Variants in CHCHD6 observed in about 807,000 individuals in gnomAD.
CHCHD6 encodes the protein coiled-coil-helix-coiled-coil-helix domain containing 6, also known as MICOS complex subunit MIC25.
In CHCHD6, 28 loss-of-function variants were observed where a neutral mutation model predicts 32.3. That is an observed-to-expected ratio of 0.87 (90% CI 0.64 to 1.19). CHCHD6 has a LOEUF of 1.19. CHCHD6 is among the 50% of genes most tolerant of loss of function. The pLI, the probability that CHCHD6 is intolerant of heterozygous loss-of-function variation, is 0.00. For missense variants in CHCHD6, 333 were observed against 307.0 expected, an observed-to-expected ratio of 1.08 and a Z score of -0.63; for synonymous variants, 122 against 117.5, an observed-to-expected ratio of 1.04 and a Z score of -0.25.
intron 4 of CHCHD6, among the ~76,000 whole-genome samples, chr3:126,787,810 C>G (rs1384132033): frequency 3.3e-5 from 5 of 152,050 alleles, no homozygotes; most frequent in South Asian, 4.1e-4. Context: ...AATTGAATAC[C>G]CTTTATTTCT....
At chr3:126,900,960 G>C (rs532872174) in intron 5 of CHCHD6, among the ~76,000 whole-genome samples, 1 of 152,112 alleles carries the variant, frequency 6.6e-6, no homozygotes, top group South Asian at 2.1e-4. Context: ...ATCACCAAGG[G>C]GATGGCACTA....
At chr3:126,812,647 G>C (rs1173500264) in intron 4 of CHCHD6, among the ~76,000 whole-genome samples, 1 of 151,630 alleles carries the variant, frequency 6.6e-6, no homozygotes, top group African/African-American at 2.4e-5. Context: ...GGTCAGGCTG[G>C]TCTCGAACTC....
intron 4 of CHCHD6, among the ~76,000 whole-genome samples, chr3:126,768,463 A>AT (rs1000103595): frequency 1.3e-5 from 2 of 151,990 alleles, no homozygotes; most frequent in Admixed American, 1.3e-4. Context: ...CAGTTAAACC[A>AT]TTTTTCTTTA....
At position 126,830,851 on chromosome 3, in the gene CHCHD6, G is replaced by A. The variant is rs139269447; in HGVS notation, c.412-21796G>A. Among the ~76,000 whole-genome samples, 300 of 152,234 alleles carry A rather than the reference G, an allele frequency of 2.0e-3. 2 individuals carry two copies. The highest frequency in any genetic ancestry group is 6.8e-3 in the African/African-American group (284 of 41,530). ...TGACCGGATGTTTGGGGTCCTGTGG[G>A]TGTTGGCTCACCTGCCTTTTCTGGC... is the stretch of plus-strand genomic sequence containing the variant. On this transcript the variant is annotated intron_variant, in intron 4 of 7. Coordinates refer to ENST00000290913, the MANE Select transcript of CHCHD6 (RefSeq NM_032343.3).
At position 126,766,527 on chromosome 3, in the gene CHCHD6, G is replaced by T; in HGVS notation, c.411+33305G>T. On this transcript the variant is annotated intron_variant, in intron 4 of 7. Coordinates refer to ENST00000290913, the MANE Select transcript of CHCHD6 (RefSeq NM_032343.3). ...TTGGTGTCACCAAAGAGTGTGAGTA[G>T]CCCATGGTGACCTCTGAGAAAATGC... The T allele has an allele frequency of 3.6e-6, 3 of 829,820 alleles. No homozygotes were observed. In the East Asian group the frequency reaches 7.6e-5, roughly 21 times the overall value. The allele number at this position is 829,820 out of a possible 1,614,324, so 51.4% of individuals were successfully genotyped here. A position where few individuals can be genotyped will look rare whatever the true frequency, so the allele number is the denominator to read the frequency against.
intron 4 of CHCHD6, among the ~76,000 whole-genome samples, chr3:126,807,527 G>A (rs541957844): frequency 4.6e-5 from 7 of 152,222 alleles, no homozygotes; most frequent in Non-Finnish European, 1.0e-4. Context: ...AGGAAAATTG[G>A]AGTCTTAGCT....
intron 6 of CHCHD6, among the ~76,000 whole-genome samples, chr3:126,950,753 A>G (rs1345969502): frequency 6.6e-6 from 1 of 151,878 alleles, no homozygotes; most frequent in Non-Finnish European, 1.5e-5. Flanking sequence ...CCTGGCCTGC[A>G]CAGGATTTTC....
At chr3:126,867,902 A>G (rs895502271) in intron 5 of CHCHD6, among the ~76,000 whole-genome samples, 3 of 152,240 alleles carry the variant, frequency 2.0e-5, no homozygotes, top group Non-Finnish European at 4.4e-5. Context: ...GGCAGACTCT[A>G]TCTAGAGTTC....
At chr3:126,904,245 C>T (rs965569336) in intron 5 of CHCHD6, among the ~76,000 whole-genome samples, 2 of 152,190 alleles carry the variant, frequency 1.3e-5, no homozygotes, top group African/African-American at 4.8e-5. Flanking sequence ...ATTTGGTTAG[C>T]CCTGTAGTCT....
At chr3:126,838,531 A>C (rs1378463459) in intron 4 of CHCHD6, among the ~76,000 whole-genome samples, 1 of 152,210 alleles carries the variant, frequency 6.6e-6, no homozygotes, top group Non-Finnish European at 1.5e-5. Flanking sequence ...GCATTTCTGC[A>C]GTCCCTTAAT....
chr3:126,948,238 T>C (rs537532035), intron 6 of CHCHD6, among the ~76,000 whole-genome samples: 5 of 152,312 alleles, frequency 3.3e-5, no homozygotes, highest in African/African-American at 7.2e-5. Context: ...CAGAAACTTA[T>C]CCTCTCACAG....
rs543530422 is a variant in CHCHD6 at position 126,861,117 on chromosome 3, A to T, written c.495+8387A>T. 2.0e-5 allele frequency among the ~76,000 whole-genome samples: 3 copies of T among 152,240 alleles called. No individual in the cohort carries two copies. In the South Asian group the frequency reaches 6.2e-4, roughly 32 times the overall value. ...GTTTATGTAATAAAGGACATAACCT[A>T]CAGGCTAGCCTGCTGTAACATATCC... On this transcript the variant is annotated intron_variant, in intron 5 of 7. Transcript: ENST00000290913.
chr3:126,879,700 T>C (rs2077583819), intron 5 of CHCHD6, among the ~76,000 whole-genome samples: 2 of 152,190 alleles, frequency 1.3e-5, no homozygotes, highest in South Asian at 2.1e-4. Flanking sequence ...AAATCAGATA[T>C]AGACTATATT....
chr3:126,948,849 T>C (rs760593040), intron 6 of CHCHD6, among the ~76,000 whole-genome samples: 24 of 152,208 alleles, frequency 1.6e-4, no homozygotes, highest in Non-Finnish European at 2.1e-4. Context: ...GGACAGTGGG[T>C]CATGGAGTTT....
intron 1 of CHCHD6, among the ~76,000 whole-genome samples, chr3:126,720,797 T>G (rs968992496): frequency 6.6e-6 from 1 of 152,184 alleles, no homozygotes; most frequent in Non-Finnish European, 1.5e-5. Flanking sequence ...CCTGGTGTCC[T>G]GTTTCCACCC....
chr3:126,709,555 A>T (rs1934656846), intron 1 of CHCHD6, among the ~76,000 whole-genome samples: 1 of 152,206 alleles, frequency 6.6e-6, no homozygotes, highest in South Asian at 2.1e-4. Context: ...TGTCAGGTTT[A>T]ATTTTTAAAG....
chr3:126,884,996 G>A (rs1298148937), intron 5 of CHCHD6, among the ~76,000 whole-genome samples: 1 of 152,202 alleles, frequency 6.6e-6, no homozygotes, highest in Admixed American at 6.5e-5. Flanking sequence ...CTCCACTGAG[G>A]AGTAGAAGAG....
At chr3:126,911,668 C>G (rs1403854935) in intron 5 of CHCHD6, among the ~76,000 whole-genome samples, 1 of 152,214 alleles carries the variant, frequency 6.6e-6, no homozygotes, top group Non-Finnish European at 1.5e-5. Flanking sequence ...CTTCCTGTGA[C>G]AAATCGAGTT....
rs540395594 is a variant in CHCHD6 at position 126,892,121 on chromosome 3, G to A, written c.496-22559G>A. 6.6e-5 allele frequency among the ~76,000 whole-genome samples: 10 copies of A among 152,220 alleles called. No individual in the cohort carries two copies. In the South Asian group the frequency reaches 8.3e-4, roughly 13 times the overall value. On this transcript the variant is annotated intron_variant, in intron 5 of 7. Coordinates refer to ENST00000290913, the MANE Select transcript of CHCHD6 (RefSeq NM_032343.3). ...AAACCTCGGCTCTGAGCAAGACACC[G>A]GGGGGATCCTCTGTGCCTACTACAG... is the stretch of plus-strand genomic sequence containing the variant.
Sources: gnomAD v4.1 joint callset for allele counts (sites outside exome capture counted in the v4.1 genomes callset) on GRCh38, gnomAD v4.1.1 for gene constraint, MANE v1.5 for transcripts, NCBI Gene and HGNC (gene_info 2026-07-23, HGNC 2026-07-21) for gene names.